The following FSCN1 variants were observed in gnomAD, a reference collection of about 807,000 sequenced individuals.
FSCN1 encodes the protein fascin actin-bundling protein 1, also known as fascin.
In FSCN1, 10 loss-of-function variants were observed where a neutral mutation model predicts 39.7. The ratio of observed to expected loss-of-function variants is 0.25; its 90% CI spans 0.16 to 0.43. The LOEUF (loss-of-function observed/expected upper bound fraction) is 0.43. Ranked by LOEUF, FSCN1 falls within the 20% of genes least tolerant of loss-of-function variation. The probability of loss-of-function intolerance (pLI) is 1.00; values close to 1 mark genes in which losing one functional copy is unlikely to be tolerated. For missense variants in FSCN1, 525 were observed against 723.8 expected (o/e 0.73, Z 3.15); for synonymous variants, 322 against 320.0 (o/e 1.01, Z -0.07).
At chr7:5,604,538 G>A (rs963935218) in intron 4 of FSCN1, among the ~76,000 whole-genome samples, 4 of 151,978 alleles carry the variant, frequency 2.6e-5, no homozygotes, top group Non-Finnish European at 4.4e-5. Flanking sequence ...GCGTTATCTC[G>A]GCTCACTGCA....
chr7:5,598,849 G>C (rs1334165027), intron 1 of FSCN1, among the ~76,000 whole-genome samples: 6 of 152,250 alleles, frequency 3.9e-5, no homozygotes, highest in Non-Finnish European at 5.9e-5. Flanking sequence ...GCATTGGACA[G>C]GTGGTGCTCT....
chr7:5,603,226 C>A lies in FSCN1; in HGVS notation c.833-31C>A, dbSNP rs777810532. On this transcript the variant is annotated intron_variant, in intron 1 of 4. Transcript: ENST00000382361. The surrounding 1 kb of genome is among the most constrained non-coding windows in gnomAD (Gnocchi z 8.5). The stretch of plus-strand genomic sequence containing the variant: ...TGCCAGAACTAGGGGGCGTGGGGCC[C>A]CAGTACCAGCCCAAGGCCTCCTCTC... 28 of 1,610,284 alleles carry A rather than the reference C, an allele frequency of 1.7e-5. No individual in the cohort carries two copies. Among genetic ancestry groups the A allele is most frequent in the Non-Finnish European group, 2.4e-5 (28 of 1,179,454 alleles).
Position 5,603,844 on chromosome 7 carries a change from T to A in FSCN1, c.1112-19T>A. The stretch of plus-strand genomic sequence containing the variant: ...ACTCCCTGCCAGGAGGCTCACTGAC[T>A]CCCCTCTTTCTGGGACAGGGGACTC... On this transcript the variant is annotated intron_variant, in intron 3 of 4. Transcript: ENST00000382361. This position sits in a 1 kb window ranked among gnomAD's most constrained non-coding sequence, Gnocchi z 8.5. 1.2e-6 allele frequency: 2 copies of A among 1,608,488 alleles called. No homozygotes were observed. Among genetic ancestry groups the A allele is most frequent in the Non-Finnish European group, 1.7e-6 (2 of 1,176,310 alleles).
chr7:5,593,725 C>T lies in FSCN1; in HGVS notation c.789C>T (p.Val263=), dbSNP rs145153592. ...CTCTGGAGCAGAGCTGCGCCCAGGT[C>T]GTGCTGCAGGCGGCCAACGAGAGGA... ...LFALEQSCAQ[V]VLQAANERNV... is the part of the protein sequence containing the mutation. Residue 263 remains valine (V), a synonymous_variant, in exon 1 of 5, where the codon GTC becomes GTT. Coordinates refer to ENST00000382361, the MANE Select transcript of FSCN1 (RefSeq NM_003088.4). 2.0e-3 allele frequency: 3,222 copies of T among 1,592,238 alleles called. 54 individuals are homozygous for T. The African/African-American group carries it at 0.038, about 19-fold the overall frequency.
Position 5,606,501 on chromosome 7 carries a change from C to G in FSCN1, c.*1027C>G, listed in dbSNP as rs1785936620. 1 of 152,332 alleles carries G rather than the reference C, an allele frequency of 6.6e-6. No individual in the cohort carries two copies. The highest frequency in any genetic ancestry group is 1.5e-5 in the Non-Finnish European group (1 of 68,130). The allele number at this position is 152,332 out of a possible 1,614,324, so 9.4% of individuals were successfully genotyped here. A position where few individuals can be genotyped will look rare whatever the true frequency, so the allele number is the denominator to read the frequency against. On this transcript the variant is annotated 3_prime_UTR_variant, in exon 5 of 5. Coordinates refer to ENST00000382361, the MANE Select transcript of FSCN1 (RefSeq NM_003088.4). This position sits in a 1 kb window ranked among gnomAD's most constrained non-coding sequence, Gnocchi z 5.1. Reference sequence around the variant, plus strand: ...GCCCTGGGGTGAGCCGCCGGGGCCCCCCTGCTGCCAGCCTCCCCCGTCCCC... The same window carrying G: ...GCCCTGGGGTGAGCCGCCGGGGCCCGCCTGCTGCCAGCCTCCCCCGTCCCC...
At chr7:5,600,691 T>C (rs1190405774) in intron 1 of FSCN1, among the ~76,000 whole-genome samples, 2 of 150,122 alleles carry the variant, frequency 1.3e-5, no homozygotes, top group African/African-American at 4.9e-5. Flanking sequence ...TCTCGCATTG[T>C]CGCCCAGGCT....
chr7:5,599,228 G>A lies in FSCN1; in HGVS notation c.833-4029G>A, dbSNP rs1785784377. ...GTGGATGCTCGTCGGAGGGCAGAGGGTGGGCTACCGGCTTAAGGGGCCCCA... is the reference window on the plus strand; with the variant it reads ...GTGGATGCTCGTCGGAGGGCAGAGGATGGGCTACCGGCTTAAGGGGCCCCA... On this transcript the variant is annotated intron_variant, in intron 1 of 4. Coordinates refer to ENST00000382361, the MANE Select transcript of FSCN1 (RefSeq NM_003088.4). The surrounding 1 kb of genome is among the most constrained non-coding windows in gnomAD (Gnocchi z 5.6). Among the ~76,000 whole-genome samples, 1 of 152,292 alleles carries A rather than the reference G, an allele frequency of 6.6e-6. No individual in the cohort carries two copies. Among genetic ancestry groups the A allele is most frequent in the South Asian group, 2.1e-4 (1 of 4,826 alleles).
chr7:5,593,363 A>C lies in FSCN1; in HGVS notation c.427A>C (p.Asn143His), dbSNP rs1216097931. ...SVHIAMHPQV[N>H]IYSVTRKRYA... is the part of the protein sequence containing the mutation. ...GCACATCGCCATGCACCCTCAGGTC[A>C]ACATCTACAGCGTCACCCGTAAGCG... Residue 143 changes from asparagine (N) to histidine (H), a missense_variant, in exon 1 of 5, where the codon AAC (asparagine) becomes CAC (histidine). Physicochemically the swap from Asn to His is moderately conservative, Grantham distance 68 (BLOSUM62 1). This residue lies in a region of FSCN1 where 246 missense variants were observed against 350.6 expected (regional missense o/e 0.70). Coordinates refer to ENST00000382361, the MANE Select transcript of FSCN1 (RefSeq NM_003088.4). 3.1e-6 allele frequency: 5 copies of C among 1,612,148 alleles called. No homozygotes were observed. The highest frequency in any genetic ancestry group is 1.3e-5 in the African/African-American group (1 of 74,864).
At chr7:5,593,854 G>T in intron 1 of FSCN1, 86 bp downstream of exon 1, 1 of 945,436 alleles carries the variant, frequency 1.1e-6, no homozygotes, top group Non-Finnish European at 1.5e-6. Context: ...GCCCTTTCTC[G>T]CTCGCGGCGC....
At chr7:5,595,696 G>A (rs550117692) in intron 1 of FSCN1, among the ~76,000 whole-genome samples, 2 of 152,304 alleles carry the variant, frequency 1.3e-5, no homozygotes, top group African/African-American at 4.8e-5. Context: ...AGAAAGCCCA[G>A]TGTGGCTGGG....
intron 1 of FSCN1, among the ~76,000 whole-genome samples, chr7:5,595,602 C>T (rs1223715574): frequency 1.3e-5 from 2 of 152,122 alleles, no homozygotes; most frequent in Non-Finnish European, 2.9e-5. Flanking sequence ...TAGAAGGTGG[C>T]AGGTATGGGG....
At position 5,605,246 on chromosome 7, in the gene FSCN1, C is replaced by G; in HGVS notation, c.1280-26C>G. The G allele has an allele frequency of 1.3e-6, 2 of 1,580,866 alleles. No individual in the cohort carries two copies. The highest frequency in any genetic ancestry group is 1.7e-6 in the Non-Finnish European group (2 of 1,151,040). On this transcript the variant is annotated intron_variant, in intron 4 of 4. Transcript: ENST00000382361. The surrounding 1 kb of genome is among the most constrained non-coding windows in gnomAD (Gnocchi z 6.9). Reference sequence around the variant, plus strand: ...AGGGGTGGGGAGCCAGGCTTTGGGCCCCACTTGATAAAGTCCCCTCCCCAG... The same window carrying G: ...AGGGGTGGGGAGCCAGGCTTTGGGCGCCACTTGATAAAGTCCCCTCCCCAG...
intron 1 of FSCN1, 120 bp downstream of exon 1, chr7:5,593,888 A>G (rs1049245023): frequency 6.0e-5 from 42 of 701,846 alleles, no homozygotes; most frequent in Non-Finnish European, 1.8e-5. Flanking sequence ...AGCACTGCCC[A>G]TTGCGCCCCC....
At chr7:5,601,681 GA>G (rs542835059) in intron 1 of FSCN1, among the ~76,000 whole-genome samples, 7 of 151,120 alleles carry the variant, frequency 4.6e-5, no homozygotes, top group African/African-American at 1.7e-4. Flanking sequence ...GTACCAAATA[GA>G]AAAAAAAATT....
chr7:5,602,887 G>C, intron 1 of FSCN1: 1 of 242,762 alleles, frequency 4.1e-6, no homozygotes, highest in Non-Finnish European at 8.1e-6. Context: ...TTGTAGAGAC[G>C]GGGGTGGGGT....
chr7:5,601,827 A>T (rs1365728189), intron 1 of FSCN1, among the ~76,000 whole-genome samples: 1 of 151,366 alleles, frequency 6.6e-6, no homozygotes, highest in Non-Finnish European at 1.5e-5. Context: ...GCAACAGAGC[A>T]AGACCCTGAA....
chr7:5,601,403 A>T lies in FSCN1; in HGVS notation c.833-1854A>T, dbSNP rs1466058431. 3.3e-5 allele frequency among the ~76,000 whole-genome samples: 5 copies of T among 151,384 alleles called. No individual in the cohort carries two copies. The South Asian group carries it at 1.0e-3, about 31-fold the overall frequency. Reference sequence around the variant, plus strand: ...TTTTTAGTAGAGGCGGGGTTTCACCATGTTGGCAAGGCTGGTCTTGAACTC... The same window carrying T: ...TTTTTAGTAGAGGCGGGGTTTCACCTTGTTGGCAAGGCTGGTCTTGAACTC... On this transcript the variant is annotated intron_variant, in intron 1 of 4. Transcript: ENST00000382361.
intron 1 of FSCN1, chr7:5,594,048 C>A (rs866721657): frequency 0.015 from 5,787 of 397,758 alleles, 356 homozygotes; most frequent in African/African-American, 0.13. Context: ...CCTCCTAACC[C>A]CCCCCCCCGC....
chr7:5,604,692 G>C (rs1785900601), intron 4 of FSCN1, among the ~76,000 whole-genome samples: 1 of 152,030 alleles, frequency 6.6e-6, no homozygotes, highest in African/African-American at 2.4e-5. Context: ...CTGGAGTGCA[G>C]TGGCGTTATC....
Sources: allele counts gnomAD v4.1 joint callset (sites outside exome capture counted in the v4.1 genomes callset), GRCh38; gene constraint gnomAD v4.1.1; regional missense constraint gnomAD v4.1.1; non-coding constraint Gnocchi (gnomAD v3.1); transcripts MANE v1.5; gene names NCBI Gene and HGNC (gene_info 2026-07-23, HGNC 2026-07-21).